The following PKD1 variants were observed in gnomAD, a reference collection of about 807,000 sequenced individuals.
PKD1 encodes polycystin-1.
A neutral mutation model predicts 361.7 loss-of-function variants in PKD1; 81 were observed. The observed-to-expected ratio is 0.22, with a 90% CI of 0.19 to 0.27. PKD1 has a LOEUF of 0.27. Among genes scored for constraint, PKD1 ranks in the 10% least tolerant of loss-of-function variants. PKD1 has a pLI of 1.00. For synonymous variants in PKD1, 3,615 were observed against 2,818.3 expected (o/e 1.28, Z -8.95); for missense variants, 6,399 against 6,118.3 (o/e 1.05, Z -1.53).
chr16:2,126,759 C>T (rs1191998015), intron 1 of PKD1, among the ~76,000 whole-genome samples: 1 of 152,266 alleles, frequency 6.6e-6, no homozygotes, highest in African/African-American at 2.4e-5. Context: ...ACATGTGTGT[C>T]TCCCTCCAAA....
chr16:2,103,537 G>A lies in PKD1; in HGVS notation c.8520C>T (p.Ser2840=), dbSNP rs1157704374. ...DSNPFPFGYI[S]NYTVSTKVAS... ...CCACCTTGGTGGAGACGGTGTAGTT[G>A]CTGATATAGCCAAAGGGAAAGGGAT... Residue 2840 remains serine, a synonymous_variant, in exon 23 of 46, where the codon AGC becomes AGT. Coordinates refer to ENST00000262304, the MANE Select transcript of PKD1 (RefSeq NM_001009944.3). The A allele has an allele frequency of 2.5e-6, 4 of 1,608,490 alleles. No homozygotes were observed. The highest frequency in any genetic ancestry group is 1.7e-5 in the Admixed American group (1 of 60,010).
intron 15 of PKD1, 85 bp from the exon 16 acceptor site, chr16:2,108,117 G>A: frequency 6.6e-7 from 1 of 1,522,968 alleles, no homozygotes. Context: ...CAGCGCGGGA[G>A]ACCCCCTCCC....
intron 34 of PKD1, among the ~76,000 whole-genome samples, chr16:2,095,775 G>A (rs1365634232): frequency 1.3e-5 from 2 of 152,240 alleles, no homozygotes; most frequent in Non-Finnish European, 2.9e-5. Flanking sequence ...AGGGCCACGC[G>A]CTCTGTGTGG....
chr16:2,090,691 C>G lies in PKD1; in HGVS notation c.12121G>C (p.Ala4041Pro). ...LGLVVLGVAY[A>P]QLAILLVSSC... ...TCACCTACCAGGATGGCCAGCTGGG[C>G]GTAGGCTACCCCGAGCACCACCAGG... is the stretch of plus-strand genomic sequence containing the variant. Residue 4041 changes from alanine (A) to proline (P), a missense_variant, in exon 44 of 46, where the codon GCC becomes CCC. Transcript: ENST00000262304. The G allele has an allele frequency of 1.5e-5, 24 of 1,612,270 alleles. No individual in the cohort carries two copies. Among genetic ancestry groups the G allele is most frequent in the Non-Finnish European group, 2.0e-5 (24 of 1,179,932 alleles).
rs200641313 is a variant in PKD1 at position 2,091,153 on chromosome 16, C to T, written c.11734G>A (p.Val3912Met). The T allele has an allele frequency of 2.1e-6, 3 of 1,452,478 alleles. No homozygotes were observed. Among genetic ancestry groups the T allele is most frequent in the South Asian group, 1.3e-5 (1 of 77,464 alleles). The allele number at this position is 1,452,478 out of a possible 1,614,324, so 90.0% of individuals were successfully genotyped here. The change falls in exon 43 of 46, where the codon GTG becomes ATG. Residue 3912 changes from valine (V) to methionine (M), a missense_variant. Physicochemically the swap from Val to Met is conservative, Grantham distance 21. Coordinates refer to ENST00000262304, the MANE Select transcript of PKD1 (RefSeq NM_001009944.3). ...CGGGCCTCGGCCACGGCGAAGTGCACGGCGAACAGCAGCAGGCACACCTGT... is the reference window on the plus strand; with the variant it reads ...CGGGCCTCGGCCACGGCGAAGTGCATGGCGAACAGCAGCAGGCACACCTGT... Reference protein sequence around the residue: ...LTSVCLLLFAVHFAVAEARTW... With the variant: ...LTSVCLLLFAMHFAVAEARTW...
rs140494005 is a variant in PKD1, at chr16:2,106,607, G to A, written c.7280C>T (p.Ala2427Val). ...LDETTTSTGS[A>V]GMRLVLRRGV... ...CCGCCGCAGCACCAGTCGCATGCCT[G>A]CACTGCCCGTGGATGTGGTGGTCTC... Residue 2427 changes from alanine (A) to valine (V), a missense_variant, in exon 18 of 46, where the codon GCA becomes GTA. By Grantham distance (64) the Ala-to-Val change is moderately conservative. Transcript: ENST00000262304. The surrounding 1 kb of genome is among the most constrained non-coding windows in gnomAD (Gnocchi z 6.5). 1.7e-4 allele frequency: 266 copies of A among 1,598,388 alleles called. 1 individual carries two copies. The highest frequency in any genetic ancestry group is 9.2e-4 in the South Asian group (84 of 90,856).
chr16:2,125,030 G>A (rs544896238), intron 1 of PKD1, among the ~76,000 whole-genome samples: 112 of 152,330 alleles, frequency 7.4e-4, no homozygotes, highest in South Asian at 1.4e-3. Context: ...GAGGACAGGG[G>A]ACAGGCGGCA....
In PKD1 at chr16:2,118,039, C is replaced by T. The variant is rs748568467; in HGVS notation, c.953G>A (p.Gly318Glu). ...GDGSAEVDAA[G>E]PAASHRYVLP... is the part of the protein sequence containing the mutation. The stretch of plus-strand genomic sequence containing the variant: ...CACATAGCGATGCGAGGCAGCCGGC[C>T]CAGCGGCATCCACCTCGGCGGAGCC... Residue 318 changes from glycine to glutamate, a missense_variant, in exon 5 of 46, where the codon GGG becomes GAG. Gly to Glu is a moderately conservative substitution (Grantham distance 98). Transcript: ENST00000262304. The surrounding 1 kb of genome is among the most constrained non-coding windows in gnomAD (Gnocchi z 6.0). The T allele has an allele frequency of 6.2e-7, 1 of 1,602,352 alleles. No homozygotes were observed. The highest frequency in any genetic ancestry group is 8.5e-7 in the Non-Finnish European group (1 of 1,178,868).
chr16:2,091,064 C>G lies in PKD1; in HGVS notation c.11823G>C (p.Leu3941=). The part of the protein sequence containing the change: ...LRLGAWARWL[L]VALTAATALV... The stretch of plus-strand genomic sequence containing the variant: ...GTGCCGTGGCCGCCGTCAGCGCCAC[C>G]AGCAGCCACCGCGCCCAGGCTCCGA... Residue 3941 remains leucine (L), a synonymous_variant, in exon 43 of 46, where the codon CTG becomes CTC. Coordinates refer to ENST00000262304, the MANE Select transcript of PKD1 (RefSeq NM_001009944.3). 1.3e-6 allele frequency: 2 copies of G among 1,518,540 alleles called. 1 individual carries two copies. The highest frequency in any genetic ancestry group is 2.4e-5 in the South Asian group (2 of 83,014). 94.1% of individuals were successfully genotyped at this position (1,518,540 alleles called of 1,614,324 possible). A position where few individuals can be genotyped will look rare whatever the true frequency, so the allele number is the denominator to read the frequency against.
intron 16 of PKD1, chr16:2,107,653 T>C: frequency 1.6e-6 from 1 of 614,026 alleles, no homozygotes; most frequent in South Asian, 1.8e-5. Context: ...GCTAGGGGAC[T>C]GTGTAGCTTT....
In PKD1 at chr16:2,109,095, G is replaced by C. The variant is rs754580074; in HGVS notation, c.6072C>G (p.Arg2024=). 4.4e-6 allele frequency: 7 copies of C among 1,603,146 alleles called. No homozygotes were observed. Among genetic ancestry groups the C allele is most frequent in the Non-Finnish European group, 6.0e-6 (7 of 1,173,806 alleles). The change falls in exon 15 of 46, where the codon CGC becomes CGG. Residue 2024 remains arginine (R), a synonymous_variant. Coordinates refer to ENST00000262304, the MANE Select transcript of PKD1 (RefSeq NM_001009944.3). ...CGGCCACGGGCGTGTAGGTGACGTC[G>C]CGGCCCGACAGGATGACCAGCGAGT... ...QGDSLVILSG[R]DVTYTPVAAG... is the part of the protein sequence containing the mutation.
In PKD1 at chr16:2,103,270, C is replaced by T. The variant is rs755861748; in HGVS notation, c.8787G>A (p.Leu2929=). ...TGCCCCACCCGCTGCACGCACCGTC[C>T]AGCAGCGTATAGTTGAGCTGCAGAT... The part of the protein sequence containing the change: ...GLHLQLNYTL[L]DGHYLSEEPE... The change falls in exon 23 of 46, where the codon CTG becomes CTA. Residue 2929 remains leucine (L), a synonymous_variant. Coordinates refer to ENST00000262304, the MANE Select transcript of PKD1 (RefSeq NM_001009944.3). 4 of 1,609,674 alleles carry T rather than the reference C, an allele frequency of 2.5e-6. No homozygotes were observed. Among genetic ancestry groups the T allele is most frequent in the Admixed American group, 1.7e-5 (1 of 59,990 alleles).
chr16:2,120,439 A>T (rs2092702849), intron 1 of PKD1, among the ~76,000 whole-genome samples: 1 of 152,240 alleles, frequency 6.6e-6, no homozygotes, highest in African/African-American at 2.4e-5. Context: ...AAAGAAGAAA[A>T]GGAAACTGGG....
In PKD1 at chr16:2,105,622, G is replaced by A. The variant is rs1596537687; in HGVS notation, c.7864-148C>T. ...CCACAACACTGAGCTGTTTCTTCAT[G>A]GGCAAAACAGGGTAAGCACATGGGC... is the stretch of plus-strand genomic sequence containing the variant. On this transcript the variant is annotated intron_variant, in intron 20 of 45. Coordinates refer to ENST00000262304, the MANE Select transcript of PKD1 (RefSeq NM_001009944.3). 7.7e-6 allele frequency: 12 copies of A among 1,554,526 alleles called. No individual in the cohort carries two copies. In the East Asian group the frequency reaches 1.2e-4, roughly 15 times the overall value.
chr16:2,131,317 C>G (rs2092875845), intron 1 of PKD1, among the ~76,000 whole-genome samples: 1 of 151,840 alleles, frequency 6.6e-6, no homozygotes, highest in African/African-American at 2.4e-5. Flanking sequence ...CCAGACCATC[C>G]TGGCTAACAC....
At chr16:2,113,094 T>C (rs1596569570) in intron 12 of PKD1, 67 bp downstream of exon 12, 3 of 1,006,900 alleles carry the variant, frequency 3.0e-6, no homozygotes, top group South Asian at 1.3e-5. Context: ...AAGGCAGAGG[T>C]GAAGGTGGAG....
At position 2,105,991 on chromosome 16, in the gene PKD1, G is replaced by A. The variant is rs1443651091; in HGVS notation, c.7737C>T (p.Gly2579=). ...SLAITLPEPN[G]SATGLTVWLH... ...GCCAGACTGTGAGCCCCGTTGCGCTGCCGTTGGGCTCTGGGAGGGTGATGG... is the reference window on the plus strand; with the variant it reads ...GCCAGACTGTGAGCCCCGTTGCGCTACCGTTGGGCTCTGGGAGGGTGATGG... The change falls in exon 20 of 46, where the codon GGC becomes GGT. Residue 2579 remains glycine, a synonymous_variant. Transcript: ENST00000262304. 3.1e-6 allele frequency: 5 copies of A among 1,603,918 alleles called. No individual in the cohort carries two copies. The highest frequency in any genetic ancestry group is 4.2e-6 in the Non-Finnish European group (5 of 1,179,488).
In PKD1 at chr16:2,102,854, C is replaced by A; in HGVS notation, c.8908G>T (p.Gly2970Cys). The change falls in exon 24 of 46, where the codon GGT (glycine) becomes TGT (cysteine). Residue 2970 changes from glycine (G) to cysteine (C), a missense_variant. Gly to Cys is a radical substitution (Grantham distance 159). Coordinates refer to ENST00000262304, the MANE Select transcript of PKD1 (RefSeq NM_001009944.3). Reference protein sequence around the residue: ...SRRIRPESLQGADHRPYTFFI... With the variant: ...SRRIRPESLQCADHRPYTFFI... The stretch of plus-strand genomic sequence containing the variant: ...AAGGTGTAGGGCCGGTGGTCAGCAC[C>A]CTGGAGTGACTCTGGGCGGATCCTC... 6.3e-7 allele frequency: 1 copy of A among 1,599,448 alleles called. No homozygotes were observed. Among genetic ancestry groups the A allele is most frequent in the Non-Finnish European group, 8.5e-7 (1 of 1,175,792 alleles).
rs764648519 is a variant in PKD1 at position 2,109,367 on chromosome 16, G to C, written c.5800C>G (p.Pro1934Ala). 1 of 1,593,360 alleles carries C rather than the reference G, an allele frequency of 6.3e-7. No individual in the cohort carries two copies. The highest frequency in any genetic ancestry group is 2.2e-5 in the East Asian group (1 of 44,690). The change falls in exon 15 of 46, where the codon CCC becomes GCC. Residue 1934 changes from proline (P) to alanine (A), a missense_variant. Pro to Ala is a conservative substitution (Grantham distance 27). Coordinates refer to ENST00000262304, the MANE Select transcript of PKD1 (RefSeq NM_001009944.3). ...CGGGGGAAGCTGTGGGAGAAACGGG[G>C]CCCGGGGAGCACCTCGGGGTTGGCC... is the stretch of plus-strand genomic sequence containing the variant. ...GGANPEVLPGPRFSHSFPRVG... is the reference protein window; with the variant it reads ...GGANPEVLPGARFSHSFPRVG...
Sources: gnomAD v4.1 joint callset for allele counts (sites outside exome capture counted in the v4.1 genomes callset) on GRCh38, gnomAD v4.1.1 for gene constraint, Gnocchi (gnomAD v3.1) non-coding constraint, MANE v1.5 for transcripts, NCBI Gene and HGNC (gene_info 2026-07-23, HGNC 2026-07-21) for gene names.